ATAD2B: variants seen among roughly 807,000 people sequenced by gnomAD.
The protein encoded by ATAD2B is ATPase family AAA domain-containing protein 2B.
ATAD2B carries 40 observed loss-of-function variants against 167.6 expected under a neutral mutation model. The ratio of observed to expected loss-of-function variants is 0.24; its 90% CI spans 0.19 to 0.31. ATAD2B has a LOEUF of 0.31. Among genes scored for constraint, ATAD2B ranks in the 10% least tolerant of loss-of-function variants. The pLI is 1.00. For synonymous variants in ATAD2B, 579 were observed against 596.5 expected, an observed-to-expected ratio of 0.97 and a Z score of 0.43; for missense variants, 1,242 against 1,757.2, an observed-to-expected ratio of 0.71 and a Z score of 5.24.
At chr2:23,825,825 C>T (rs1688165394) in intron 15 of ATAD2B, among the ~76,000 whole-genome samples, 1 of 152,056 alleles carries the variant, frequency 6.6e-6, no homozygotes, top group South Asian at 2.1e-4. Flanking sequence ...CACTAGAAGG[C>T]ATTTTAGGTA....
intron 16 of ATAD2B, among the ~76,000 whole-genome samples, chr2:23,821,709 A>T (rs1687475529): frequency 6.6e-6 from 1 of 152,246 alleles, no homozygotes; most frequent in African/African-American, 2.4e-5. Flanking sequence ...ATCAAAAGAC[A>T]TTACTTTCCC....
At chr2:23,788,432 G>C in intron 20 of ATAD2B, 80 bp downstream of exon 20, 1 of 1,464,888 alleles carries the variant, frequency 6.8e-7, no homozygotes, top group Non-Finnish European at 9.3e-7. Context: ...AAGAAGAAAG[G>C]GCTAAAATAA....
chr2:23,741,712 T>A, the ATAD2B span, among the ~76,000 whole-genome samples: 1 of 152,080 alleles, frequency 6.6e-6, no homozygotes, highest in African/African-American at 2.4e-5. Context: ...TGGGATCTAA[T>A]TAAACTAAAG....
chr2:23,697,944 ATTC>A, the ATAD2B span: 5 of 152,262 alleles, frequency 3.3e-5, no homozygotes, highest in Non-Finnish European at 2.9e-5. Context: ...TGGATCCGTC[ATTC>A]TGTCTTGCTT....
intron 1 of ATAD2B, among the ~76,000 whole-genome samples, chr2:23,901,889 C>CA (rs891478628): frequency 1.3e-4 from 18 of 143,228 alleles, no homozygotes; most frequent in South Asian, 8.9e-4. Context: ...GAACTGAAGA[C>CA]AAAAAAAAAA....
rs1474106940 is a variant in ATAD2B, at chr2:23,750,054, T to A, written c.*1992A>T. ...TCTTTAAATTCTGTAACAATTTCCA[T>A]CAAAATACAAAATGCTAATGTATTA... is the stretch of plus-strand genomic sequence containing the variant. On this transcript the variant is annotated 3_prime_UTR_variant, in exon 28 of 28. Coordinates refer to ENST00000238789, the MANE Select transcript of ATAD2B (RefSeq NM_017552.4). The A allele has an allele frequency of 1.3e-5, 2 of 152,138 alleles. No homozygotes were observed. Among genetic ancestry groups the A allele is most frequent in the East Asian group, 3.8e-4 (2 of 5,196 alleles). The allele number at this position is 152,138 out of a possible 1,614,324, so 9.4% of individuals were successfully genotyped here.
the ATAD2B span, among the ~76,000 whole-genome samples, chr2:23,728,920 G>C: frequency 6.6e-6 from 1 of 152,176 alleles, no homozygotes. Flanking sequence ...ATTGGCTCAT[G>C]GTTTTGCAAG....
chr2:23,892,257 T>C (rs987045972), intron 2 of ATAD2B, among the ~76,000 whole-genome samples: 3 of 151,978 alleles, frequency 2.0e-5, no homozygotes, highest in Non-Finnish European at 2.9e-5. Context: ...CCCGCCTCCC[T>C]GGTTCACGCC....
intron 1 of ATAD2B, among the ~76,000 whole-genome samples, chr2:23,913,828 A>G (rs926789574): frequency 5.9e-5 from 9 of 152,130 alleles, no homozygotes; most frequent in Non-Finnish European, 1.2e-4. Flanking sequence ...TTGGCCTGGT[A>G]GAACGGCTCA....
intron 1 of ATAD2B, 58 bp from the exon 2 acceptor site, chr2:23,896,028 A>T: frequency 1.4e-6 from 2 of 1,442,396 alleles, no homozygotes; most frequent in Non-Finnish European, 1.9e-6. Flanking sequence ...TAGAATTGTT[A>T]ATACTAGGGG....
chr2:23,856,479 G>A (rs907037173), intron 13 of ATAD2B: 1 of 408,656 alleles, frequency 2.4e-6, no homozygotes, highest in East Asian at 9.8e-5. Flanking sequence ...CCATCAGATG[G>A]TAGATTGAAA....
the ATAD2B span, among the ~76,000 whole-genome samples, chr2:23,730,963 C>T: frequency 0.46 from 69,003 of 151,380 alleles, 16,628 homozygotes; most frequent in East Asian, 0.78. Context: ...TTGCCAATAT[C>T]AGGAACAAAA....
the ATAD2B span, among the ~76,000 whole-genome samples, chr2:23,730,665 CAAAAAAAAAAAAAA>C: frequency 1.9e-3 from 61 of 31,994 alleles, no homozygotes; most frequent in East Asian, 0.014. Flanking sequence ...GACTCCGTTT[CAAAAAAAAAAAAAA>C]AAAAAAAAAA....
At chr2:23,791,912 G>A (rs768042005) in intron 19 of ATAD2B, among the ~76,000 whole-genome samples, 1 of 152,068 alleles carries the variant, frequency 6.6e-6, no homozygotes, top group Non-Finnish European at 1.5e-5. Flanking sequence ...TTGATTGGCT[G>A]GATCATATGG....
rs12992833 is a variant in ATAD2B, at chr2:23,826,248, A to G, written c.1819+2601T>C. Among the ~76,000 whole-genome samples, 1,474 of 152,296 alleles carry G rather than the reference A, an allele frequency of 9.7e-3. 11 individuals carry two copies. Among genetic ancestry groups the G allele is most frequent in the Non-Finnish European group, 0.016 (1,075 of 68,014 alleles). ...ACTGATTTAACATACTTCCTTCTAAAACTTTAAAATTGCATCATAACCATG... is the reference window on the plus strand; with the variant it reads ...ACTGATTTAACATACTTCCTTCTAAGACTTTAAAATTGCATCATAACCATG... On this transcript the variant is annotated intron_variant, in intron 15 of 27. Coordinates refer to ENST00000238789, the MANE Select transcript of ATAD2B (RefSeq NM_017552.4).
rs115382814 is a variant in ATAD2B, at chr2:23,753,304, A to G, written c.4335+875T>C. Among the ~76,000 whole-genome samples the G allele has an allele frequency of 5.5e-3, 838 of 152,336 alleles. 7 individuals are homozygous for G. The highest frequency in any genetic ancestry group is 0.019 in the African/African-American group (808 of 41,582). On this transcript the variant is annotated intron_variant, in intron 27 of 27. Coordinates refer to ENST00000238789, the MANE Select transcript of ATAD2B (RefSeq NM_017552.4). ...TATCCTTTACATATAAATCTTTAAT[A>G]TACTAAAAATATTCTTTGAGAGCAG...
At chr2:23,753,099 T>G (rs1675546087) in intron 27 of ATAD2B, among the ~76,000 whole-genome samples, 1 of 152,196 alleles carries the variant, frequency 6.6e-6, no homozygotes, top group Non-Finnish European at 1.5e-5. Context: ...CATTTTTTCC[T>G]TCCCTTTAAA....
the ATAD2B span, among the ~76,000 whole-genome samples, chr2:23,722,248 C>T: frequency 1.1e-4 from 17 of 151,980 alleles, no homozygotes; most frequent in Non-Finnish European, 2.2e-4. Flanking sequence ...AGGAACAGAT[C>T]CCAATTATAA....
intron 15 of ATAD2B, among the ~76,000 whole-genome samples, chr2:23,825,937 A>G (rs565766945): frequency 6.6e-6 from 1 of 152,350 alleles, no homozygotes; most frequent in African/African-American, 2.4e-5. Context: ...GAAATGATCA[A>G]TAGACCCCAT....
Sources: gnomAD v4.1 joint callset for allele counts (sites outside exome capture counted in the v4.1 genomes callset) on GRCh38, gnomAD v4.1.1 for gene constraint, MANE v1.5 for transcripts, NCBI Gene and HGNC (gene_info 2026-07-23, HGNC 2026-07-21) for gene names.